Variants in KDM4C observed in about 807,000 individuals in gnomAD.
The protein encoded by KDM4C is lysine-specific demethylase 4C.
A neutral mutation model predicts 129.3 loss-of-function variants in KDM4C; 81 were observed. That is an observed-to-expected ratio of 0.63 (90% CI 0.52 to 0.75). The LOEUF (loss-of-function observed/expected upper bound fraction) is 0.75. KDM4C is among the 30% of genes least tolerant of loss of function. The pLI is 0.00. For synonymous variants in KDM4C, 573 were observed against 456.1 expected (o/e 1.26, Z -3.26); for missense variants, 1,457 against 1,304.0 (o/e 1.12, Z -1.81).
At chr9:7,167,604 G>T (rs956594522) in intron 20 of KDM4C, among the ~76,000 whole-genome samples, 2 of 152,206 alleles carry the variant, frequency 1.3e-5, no homozygotes, top group African/African-American at 2.4e-5. Context: ...GTTCTCATGT[G>T]ACTGGCACCT....
chr9:6,832,658 C>T (rs1231379346), intron 4 of KDM4C, among the ~76,000 whole-genome samples: 2 of 151,066 alleles, frequency 1.3e-5, no homozygotes, highest in Non-Finnish European at 1.5e-5. Context: ...ATCTCCTGAC[C>T]ACGTAATCCA....
At chr9:6,984,145 C>A in intron 9 of KDM4C, 21 bp from the exon 10 acceptor site, 1 of 1,523,338 alleles carries the variant, frequency 6.6e-7, no homozygotes, top group South Asian at 1.1e-5. Context: ...CCGCTCTGAC[C>A]ACTGCTTCTC....
intron 15 of KDM4C, among the ~76,000 whole-genome samples, chr9:7,023,096 G>C (rs1195095593): frequency 6.6e-6 from 1 of 152,110 alleles, no homozygotes; most frequent in African/African-American, 2.4e-5. Context: ...AGGGCTATTG[G>C]CTGTGGTTTT....
At chr9:6,810,880 T>A (rs941637297) in intron 3 of KDM4C, among the ~76,000 whole-genome samples, 24 of 146,028 alleles carry the variant, frequency 1.6e-4, no homozygotes, top group South Asian at 6.2e-4. Flanking sequence ...TCCAAAAAAA[T>A]AAATAAATAA....
chr9:6,890,815 C>G (rs1846015503), intron 7 of KDM4C, among the ~76,000 whole-genome samples: 1 of 152,050 alleles, frequency 6.6e-6, no homozygotes, highest in African/African-American at 2.4e-5. Context: ...GAAAGAAGCA[C>G]CTAGATAATT....
At chr9:7,035,009 T>C (rs1048614794) in intron 15 of KDM4C, among the ~76,000 whole-genome samples, 1 of 152,070 alleles carries the variant, frequency 6.6e-6, no homozygotes, top group Non-Finnish European at 1.5e-5. Context: ...ATTCTTTGTT[T>C]CTTTTTGTTT....
rs35006356 is a variant in KDM4C at position 7,013,874 on chromosome 9, C to T, written c.2055C>T (p.Leu685=). 1.4e-3 allele frequency: 2,259 copies of T among 1,613,966 alleles called. 38 individuals carry two copies. In the African/African-American group the frequency reaches 0.026, roughly 18 times the overall value. The change falls in exon 14 of 22, where the codon CTC becomes CTT. Residue 685 remains leucine (L), a synonymous_variant. Coordinates refer to ENST00000381309, the MANE Select transcript of KDM4C (RefSeq NM_015061.6). ...CATCGGAGGGAAAGACTAAGCCCCT[C>T]ATACCAGAGATGTGTTTTATTTATA... ...VVTSEGKTKP[L]IPEMCFIYSE... is the part of the protein sequence containing the mutation.
intron 8 of KDM4C, among the ~76,000 whole-genome samples, chr9:6,903,919 T>C (rs911313149): frequency 4.6e-5 from 7 of 152,218 alleles, no homozygotes; most frequent in African/African-American, 1.7e-4. Flanking sequence ...TATTTTGCCA[T>C]GTCTTTAATA....
rs1380585982 is a variant in KDM4C, at chr9:6,990,221, A to T, written c.1678-195A>T. ...GAAGAATTAATTGACCTCTGGCTAA[A>T]ATTACTAATAGAATTGATTCCTATT... On this transcript the variant is annotated intron_variant, in intron 11 of 21. Transcript: ENST00000381309. 2.6e-5 allele frequency among the ~76,000 whole-genome samples: 4 copies of T among 152,162 alleles called. No homozygotes were observed. The East Asian group carries it at 7.7e-4, about 29-fold the overall frequency.
chr9:6,857,113 C>T (rs1054870573), intron 5 of KDM4C, among the ~76,000 whole-genome samples: 2 of 152,108 alleles, frequency 1.3e-5, no homozygotes, highest in African/African-American at 2.4e-5. Context: ...CCTGCCTTGG[C>T]CCCCCGAAGT....
intron 17 of KDM4C, among the ~76,000 whole-genome samples, chr9:7,067,048 A>G (rs982839928): frequency 2.0e-5 from 3 of 152,218 alleles, no homozygotes; most frequent in Admixed American, 1.3e-4. Context: ...CCTATTTTTC[A>G]TAATTAGAAA....
At chr9:7,136,586 G>T (rs1314089124) in intron 19 of KDM4C, among the ~76,000 whole-genome samples, 5 of 152,168 alleles carry the variant, frequency 3.3e-5, no homozygotes, top group African/African-American at 4.8e-5. Context: ...CTAATGATTT[G>T]AGCATCTTTT....
At chr9:7,033,555 G>C (rs1251837459) in intron 15 of KDM4C, among the ~76,000 whole-genome samples, 1 of 152,174 alleles carries the variant, frequency 6.6e-6, no homozygotes, top group East Asian at 1.9e-4. Flanking sequence ...TGACAGCATA[G>C]CTATGATGTG....
Position 7,164,947 on chromosome 9 carries a change from T to C in KDM4C, c.2782-291T>C, listed in dbSNP as rs187202786. 9.1e-4 allele frequency among the ~76,000 whole-genome samples: 139 copies of C among 152,356 alleles called. 1 individual carries two copies. The highest frequency in any genetic ancestry group is 2.8e-3 in the African/African-American group (115 of 41,580). The stretch of plus-strand genomic sequence containing the variant: ...TATTCCTCAGCTAAAGCGGTTTCTA[T>C]GCATATTTTAGTTACCCCCTAAACA... On this transcript the variant is annotated intron_variant, in intron 19 of 21. Coordinates refer to ENST00000381309, the MANE Select transcript of KDM4C (RefSeq NM_015061.6).
intron 8 of KDM4C, among the ~76,000 whole-genome samples, chr9:6,951,429 C>T (rs1476829304): frequency 6.6e-6 from 1 of 152,118 alleles, no homozygotes; most frequent in Non-Finnish European, 1.5e-5. Flanking sequence ...TTCTGGTGCC[C>T]TTATGGAGAC....
chr9:6,792,825 G>A (rs1175317593), intron 1 of KDM4C, 147 bp from the exon 2 acceptor site: 2 of 789,010 alleles, frequency 2.5e-6, no homozygotes, highest in Non-Finnish European at 4.2e-6. Flanking sequence ...AGGCAGAGAT[G>A]AGGGAGTCTC....
chr9:6,818,339 T>G (rs948343103), intron 4 of KDM4C, among the ~76,000 whole-genome samples: 2 of 152,226 alleles, frequency 1.3e-5, no homozygotes, highest in African/African-American at 4.8e-5. Context: ...AGTGTATTGT[T>G]TGCTGATTTA....
intron 18 of KDM4C, among the ~76,000 whole-genome samples, chr9:7,124,583 A>G (rs557817626): frequency 2.5e-3 from 383 of 152,332 alleles, no homozygotes; most frequent in Non-Finnish European, 4.3e-3. Context: ...GATATATTTA[A>G]AGGGGATGAA....
rs1430313798 is a variant in KDM4C, at chr9:6,990,565, T to TG, written c.1786+43dup. The TG allele has an allele frequency of 3.7e-6, 3 of 807,440 alleles. No homozygotes were observed. The East Asian group carries it at 8.6e-5, about 23-fold the overall frequency. The allele number at this position is 807,440 out of a possible 1,614,324, so 50.0% of individuals were successfully genotyped here. A position where few individuals can be genotyped will look rare whatever the true frequency, so the allele number is the denominator to read the frequency against. ...TTTTTGGGATTTTTTTTTTTTTTTT[T>TG]GGTGTGTAAAACAAACTATTGTAAA... On this transcript the variant is annotated intron_variant, in intron 12 of 21. Coordinates refer to ENST00000381309, the MANE Select transcript of KDM4C (RefSeq NM_015061.6).
Sources: allele counts gnomAD v4.1 joint callset (sites outside exome capture counted in the v4.1 genomes callset), GRCh38; gene constraint gnomAD v4.1.1; transcripts MANE v1.5; gene names NCBI Gene and HGNC (gene_info 2026-07-23, HGNC 2026-07-21).